AQR: variants seen among roughly 807,000 people sequenced by gnomAD.
AQR encodes aquarius intron-binding spliceosomal factor.
A neutral mutation model predicts 180.5 loss-of-function variants in AQR; 61 were observed. The observed-to-expected ratio is 0.34, with a 90% CI of 0.28 to 0.42. The LOEUF (loss-of-function observed/expected upper bound fraction) is 0.42, where lower values mean the gene tolerates loss of function less well. Among genes scored for constraint, AQR ranks in the 10% least tolerant of loss-of-function variants. AQR has a pLI of 1.00. For missense variants in AQR, 1,281 were observed against 1,798.3 expected (o/e 0.71, Z 5.20); for synonymous variants, 551 against 588.8 (o/e 0.94, Z 0.93).
chr15:34,858,323 A>G (rs1457510794), intron 34 of AQR, among the ~76,000 whole-genome samples: 12 of 51,882 alleles, frequency 2.3e-4, no homozygotes, highest in African/African-American at 3.8e-4. Context: ...ACAGCAGCAA[A>G]AAAAAAAAAA....
At chr15:34,962,770 C>CAA (rs879938532) in intron 2 of AQR, among the ~76,000 whole-genome samples, 1 of 120,456 alleles carries the variant, frequency 8.3e-6, no homozygotes, top group Non-Finnish European at 1.8e-5. Flanking sequence ...ACTCCACCTC[C>CAA]AAAAAAAAAA....
intron 20 of AQR, among the ~76,000 whole-genome samples, chr15:34,899,129 G>A (rs961209666): frequency 6.6e-6 from 1 of 151,798 alleles, no homozygotes; most frequent in South Asian, 2.1e-4. Flanking sequence ...GAGACGGCGC[G>A]CCACTGCACT....
intron 27 of AQR, among the ~76,000 whole-genome samples, chr15:34,876,883 C>A (rs1262913667): frequency 3.3e-5 from 5 of 152,170 alleles, no homozygotes; most frequent in African/African-American, 9.7e-5. Context: ...CACTTTTAGT[C>A]TAGTTGGTTC....
intron 32 of AQR, among the ~76,000 whole-genome samples, chr15:34,864,492 A>G (rs189553072): frequency 6.6e-6 from 1 of 152,288 alleles, no homozygotes; most frequent in Non-Finnish European, 1.5e-5. Flanking sequence ...TAAAACCCCA[A>G]GGGGTTATGC....
chr15:34,926,608 CT>C (rs995900036), intron 13 of AQR, among the ~76,000 whole-genome samples: 1 of 152,204 alleles, frequency 6.6e-6, no homozygotes, highest in Non-Finnish European at 1.5e-5. Flanking sequence ...ATTATTATTA[CT>C]ATTTTCAAAA....
At chr15:34,894,888 G>A (rs1321484775) in intron 22 of AQR, among the ~76,000 whole-genome samples, 2 of 151,726 alleles carry the variant, frequency 1.3e-5, no homozygotes, top group Admixed American at 6.6e-5. Flanking sequence ...TGATAGGCCA[G>A]GCACAGTGGC....
intron 5 of AQR, among the ~76,000 whole-genome samples, chr15:34,947,571 A>G (rs987280709): frequency 4.0e-5 from 6 of 150,490 alleles, no homozygotes; most frequent in Non-Finnish European, 7.4e-5. Context: ...GACAAAAAAA[A>G]TAAAAATAAA....
At chr15:34,911,702 C>T (rs1481827637) in intron 16 of AQR, among the ~76,000 whole-genome samples, 4 of 152,148 alleles carry the variant, frequency 2.6e-5, no homozygotes, top group Non-Finnish European at 5.9e-5. Flanking sequence ...TCTAATCAGA[C>T]ACATGGTTTG....
At chr15:34,865,662 A>G (rs1360173735) in intron 32 of AQR, among the ~76,000 whole-genome samples, 1 of 152,222 alleles carries the variant, frequency 6.6e-6, no homozygotes, top group African/African-American at 2.4e-5. Flanking sequence ...AAACAACCCA[A>G]TGTCCAATTG....
At chr15:34,956,702 A>AAAC (rs1894324731) in intron 3 of AQR, among the ~76,000 whole-genome samples, 1 of 149,968 alleles carries the variant, frequency 6.7e-6, no homozygotes, top group South Asian at 2.1e-4. Flanking sequence ...GTCAGAAAAA[A>AAAC]AAAAAAAAAA....
At position 34,925,984 on chromosome 15, in the gene AQR, G is replaced by A. The variant is rs183120163; in HGVS notation, c.1118+1051C>T. 3.3e-5 allele frequency among the ~76,000 whole-genome samples: 5 copies of A among 151,990 alleles called. No homozygotes were observed. The East Asian group carries it at 5.8e-4, about 18-fold the overall frequency. ...AGATCGAGACCATCTTGGCTAACAC[G>A]GTGAAACCCCGTCTCTACTAAAAAT... is the stretch of plus-strand genomic sequence containing the variant. On this transcript the variant is annotated intron_variant, in intron 13 of 34. Coordinates refer to ENST00000156471, the MANE Select transcript of AQR (RefSeq NM_014691.3).
intron 5 of AQR, 63 bp from the exon 6 acceptor site, chr15:34,944,491 C>CCT (rs1894080131): frequency 6.8e-7 from 1 of 1,475,218 alleles, no homozygotes; most frequent in East Asian, 2.5e-5. Flanking sequence ...TTAAAGAAGC[C>CCT]CTAGTAGGCT....
intron 22 of AQR, among the ~76,000 whole-genome samples, chr15:34,895,486 G>C (rs1301774651): frequency 6.6e-6 from 1 of 151,510 alleles, no homozygotes; most frequent in Non-Finnish European, 1.5e-5. Context: ...ATAACGACAA[G>C]TAGAAGTAAA....
intron 3 of AQR, among the ~76,000 whole-genome samples, chr15:34,958,380 G>A (rs1313103554): frequency 6.6e-6 from 1 of 152,050 alleles, no homozygotes; most frequent in Non-Finnish European, 1.5e-5. Flanking sequence ...GCTGGGCATG[G>A]TGGTTTGTGC....
chr15:34,961,755 T>C (rs982350010), intron 2 of AQR, among the ~76,000 whole-genome samples: 3 of 151,154 alleles, frequency 2.0e-5, no homozygotes, highest in African/African-American at 4.9e-5. Context: ...CTGGAACTCT[T>C]AGGCAAGTGC....
At chr15:34,875,275 C>T (rs1892874592) in intron 28 of AQR, among the ~76,000 whole-genome samples, 1 of 152,014 alleles carries the variant, frequency 6.6e-6, no homozygotes. Flanking sequence ...CCCACCAAAG[C>T]AGTAAAAACT....
At chr15:34,936,110 A>G (rs189315978) in intron 9 of AQR, among the ~76,000 whole-genome samples, 175 of 152,306 alleles carry the variant, frequency 1.1e-3, no homozygotes, top group Admixed American at 1.8e-3. Context: ...TCCCAATTTC[A>G]GACACAAATA....
chr15:34,907,481 G>A (rs1348274688), intron 17 of AQR, among the ~76,000 whole-genome samples: 1 of 152,168 alleles, frequency 6.6e-6, no homozygotes, highest in Non-Finnish European at 1.5e-5. Flanking sequence ...GCCATTACAT[G>A]ACATAAATGT....
At chr15:34,938,157 TA>T (rs1379797767) in intron 9 of AQR, among the ~76,000 whole-genome samples, 1 of 152,104 alleles carries the variant, frequency 6.6e-6, no homozygotes, top group African/African-American at 2.4e-5. Context: ...CCCAGCACCT[TA>T]GACAGGACCT....
Sources: allele counts gnomAD v4.1 joint callset (sites outside exome capture counted in the v4.1 genomes callset), GRCh38; gene constraint gnomAD v4.1.1; transcripts MANE v1.5; gene names NCBI Gene and HGNC (gene_info 2026-07-23, HGNC 2026-07-21).